The following PDE4B variants were observed in gnomAD, a reference collection of about 807,000 sequenced individuals.
PDE4B encodes the protein 3',5'-cyclic-AMP phosphodiesterase 4B.
PDE4B carries 20 observed loss-of-function variants against 82.2 expected under a neutral mutation model. That is an observed-to-expected ratio of 0.24 (90% CI 0.17 to 0.35). The LOEUF (loss-of-function observed/expected upper bound fraction) is 0.35. Among genes scored for constraint, PDE4B ranks in the 10% least tolerant of loss-of-function variants. The pLI, the probability that PDE4B is intolerant of heterozygous loss-of-function variation, is 1.00. For missense variants in PDE4B, 655 were observed against 907.2 expected, an observed-to-expected ratio of 0.72 and a Z score of 3.57; for synonymous variants, 320 against 318.9, an observed-to-expected ratio of 1.00 and a Z score of -0.04.
chr1:66,335,812 A>G (rs6696880), intron 8 of PDE4B, among the ~76,000 whole-genome samples: 16,030 of 152,230 alleles, frequency 0.11, 1,311 homozygotes, highest in African/African-American at 0.22. Flanking sequence ...CCCAAATTCG[A>G]TTAGACATGT....
chr1:66,332,327 A>T, intron 7 of PDE4B, 181 bp from the exon 8 acceptor site: 2 of 1,591,200 alleles, frequency 1.3e-6, no homozygotes, highest in Non-Finnish European at 8.6e-7. Context: ...TCCCAGGCAG[A>T]GCACCACTGT....
chr1:65,904,849 A>G (rs1647010592), intron 1 of PDE4B, among the ~76,000 whole-genome samples: 1 of 152,334 alleles, frequency 6.6e-6, no homozygotes, highest in South Asian at 2.1e-4. Context: ...TGTGAGAATT[A>G]CATGAGATGA....
At chr1:66,088,195 T>C (rs79657260) in intron 3 of PDE4B, among the ~76,000 whole-genome samples, 6,167 of 152,014 alleles carry the variant, frequency 0.041, 231 homozygotes, top group Admixed American at 0.12. Context: ...ACAGTGAATC[T>C]GAAGATTCTA....
At chr1:66,130,193 G>A (rs895511876) in intron 3 of PDE4B, among the ~76,000 whole-genome samples, 1 of 152,168 alleles carries the variant, frequency 6.6e-6, no homozygotes, top group Non-Finnish European at 1.5e-5. Flanking sequence ...GTCCCTCATG[G>A]GAGACCAAGT....
intron 3 of PDE4B, among the ~76,000 whole-genome samples, chr1:65,938,676 AAG>A (rs1648283378): frequency 2.0e-5 from 3 of 152,212 alleles, no homozygotes; most frequent in Admixed American, 2.0e-4. Flanking sequence ...GGGAATGCAG[AAG>A]AGAGAGTGGC....
At chr1:66,204,147 G>A (rs1236984931) in intron 3 of PDE4B, among the ~76,000 whole-genome samples, 2 of 152,244 alleles carry the variant, frequency 1.3e-5, no homozygotes, top group Non-Finnish European at 2.9e-5. Flanking sequence ...CAGCAGCGGT[G>A]GCTGCAGAAC....
At chr1:65,893,842 C>A (rs1393821746) in intron 1 of PDE4B, among the ~76,000 whole-genome samples, 2 of 152,022 alleles carry the variant, frequency 1.3e-5, no homozygotes, top group African/African-American at 4.8e-5. Context: ...ATGTGTTTTG[C>A]AGCAACTTGG....
At position 66,367,979 on chromosome 1, in the gene PDE4B, C is replaced by A. The variant is rs1663372611; in HGVS notation, c.1576C>A (p.Leu526Met). The change falls in exon 15 of 17, where the codon CTG (leucine) becomes ATG (methionine). Residue 526 changes from leucine (L) to methionine (M), a missense_variant. By Grantham distance (15) the Leu-to-Met change is conservative. This residue lies in a region of PDE4B where 283 missense variants were observed against 516.4 expected (regional missense o/e 0.55). Transcript: ENST00000341517. ...ATDMSKHMSL[L>M]ADLKTMVETK... ...TGATATGTCTAAACATATGAGCCTG[C>A]TGGCAGACCTGAAGACAATGGTAGA... The A allele has an allele frequency of 6.2e-7, 1 of 1,613,806 alleles. No homozygotes were observed. The highest frequency in any genetic ancestry group is 1.1e-5 in the South Asian group (1 of 91,078).
rs572920788 is a variant in PDE4B, at chr1:66,338,287, G to A, written c.747+5667G>A. 6.6e-5 allele frequency among the ~76,000 whole-genome samples: 10 copies of A among 152,262 alleles called. No individual in the cohort carries two copies. The South Asian group carries it at 1.2e-3, about 19-fold the overall frequency. ...CAATGATCCCAATGAGGCATATAAAGAAAGAAAAAAGTTTAGAGTTATTTA... is the reference window on the plus strand; with the variant it reads ...CAATGATCCCAATGAGGCATATAAAAAAAGAAAAAAGTTTAGAGTTATTTA... On this transcript the variant is annotated intron_variant, in intron 8 of 16. Transcript: ENST00000341517.
At chr1:66,267,107 A>G (rs1188418097) in intron 7 of PDE4B, 2 of 154,404 alleles carry the variant, frequency 1.3e-5, no homozygotes, top group Non-Finnish European at 1.4e-5. Context: ...TGGCTTCTGA[A>G]GTATTTGTGG....
intron 1 of PDE4B, among the ~76,000 whole-genome samples, chr1:65,866,833 G>A (rs907929846): frequency 2.6e-5 from 4 of 152,124 alleles, no homozygotes; most frequent in African/African-American, 9.7e-5. Flanking sequence ...GGGAATATTG[G>A]CATATTGAGC....
chr1:65,925,973 G>A (rs1647476957), intron 3 of PDE4B, among the ~76,000 whole-genome samples: 1 of 152,064 alleles, frequency 6.6e-6, no homozygotes, highest in Admixed American at 6.5e-5. Flanking sequence ...TGTAGAGTAG[G>A]GGTGTGTTTA....
rs774942358 is a variant in PDE4B, at chr1:66,361,665, A to G, written c.892A>G (p.Lys298Glu). The change falls in exon 10 of 17, where the codon AAA becomes GAA. Residue 298 changes from lysine to glutamate, a missense_variant. Physicochemically the swap from Lys to Glu is moderately conservative, Grantham distance 56. Coordinates refer to ENST00000341517, the MANE Select transcript of PDE4B (RefSeq NM_002600.4). ...ATCTCCTACCCAGAAAGACAGGGAG[A>G]AAAAGAAAAAGCAGCAGCTCATGAC... ...IPSPTQKDRE[K>E]KKKQQLMTQI... is the part of the protein sequence containing the mutation. 1 of 1,613,574 alleles carries G rather than the reference A, an allele frequency of 6.2e-7. No individual in the cohort carries two copies. The highest frequency in any genetic ancestry group is 8.5e-7 in the Non-Finnish European group (1 of 1,179,614).
At chr1:66,009,420 A>G (rs572064012) in intron 3 of PDE4B, among the ~76,000 whole-genome samples, 1 of 152,292 alleles carries the variant, frequency 6.6e-6, no homozygotes, top group Admixed American at 6.5e-5. Context: ...TGTAGCTGCC[A>G]CAGTGATCCT....
At chr1:65,856,468 G>A (rs1185433385) in intron 1 of PDE4B, among the ~76,000 whole-genome samples, 4 of 152,120 alleles carry the variant, frequency 2.6e-5, no homozygotes, top group African/African-American at 4.8e-5. Flanking sequence ...TTGTGAGAAT[G>A]ATGGCCTCCA....
At chr1:66,196,557 A>G (rs1383147500) in intron 3 of PDE4B, among the ~76,000 whole-genome samples, 1 of 152,242 alleles carries the variant, frequency 6.6e-6, no homozygotes, top group African/African-American at 2.4e-5. Context: ...TCCTCCCCCA[A>G]TTTATTTTCT....
At chr1:65,967,625 C>A (rs1373264149) in intron 3 of PDE4B, among the ~76,000 whole-genome samples, 1 of 152,130 alleles carries the variant, frequency 6.6e-6, no homozygotes, top group African/African-American at 2.4e-5. Context: ...AACCCAAATG[C>A]CCATCAGTGA....
intron 3 of PDE4B, among the ~76,000 whole-genome samples, chr1:65,981,563 A>G (rs1380991176): frequency 1.3e-5 from 2 of 148,434 alleles, no homozygotes; most frequent in Non-Finnish European, 3.0e-5. Flanking sequence ...TTTTTTTGCA[A>G]TAAAGTATAG....
intron 3 of PDE4B, among the ~76,000 whole-genome samples, chr1:66,201,567 G>A (rs535521194): frequency 2.6e-4 from 39 of 149,644 alleles, no homozygotes; most frequent in African/African-American, 9.4e-4. Flanking sequence ...TCTTTGTTTA[G>A]TCTTGGGAGG....
Sources: gnomAD v4.1 joint callset for allele counts (sites outside exome capture counted in the v4.1 genomes callset) on GRCh38, gnomAD v4.1.1 for gene constraint, gnomAD v4.1.1 regional missense constraint, MANE v1.5 for transcripts, NCBI Gene and HGNC (gene_info 2026-07-23, HGNC 2026-07-21) for gene names.